Variants in RRP9 observed in about 807,000 individuals in gnomAD.
The protein encoded by RRP9 is U3 small nucleolar RNA-interacting protein 2.
A neutral mutation model predicts 65.5 loss-of-function variants in RRP9; 35 were observed. That is an observed-to-expected ratio of 0.53 (90% CI 0.41 to 0.71). The LOEUF (loss-of-function observed/expected upper bound fraction) is 0.71. RRP9 is among the 30% of genes least tolerant of loss of function. The pLI, the probability that RRP9 is intolerant of heterozygous loss-of-function variation, is 0.00. For missense variants in RRP9, 533 were observed against 633.6 expected, an observed-to-expected ratio of 0.84 and a Z score of 1.70; for synonymous variants, 254 against 245.0, an observed-to-expected ratio of 1.04 and a Z score of -0.34.
Position 51,936,238 on chromosome 3 carries a change from C to A in RRP9, c.735+19G>T. The A allele has an allele frequency of 6.2e-7, 1 of 1,611,232 alleles. No individual in the cohort carries two copies. Among genetic ancestry groups the A allele is most frequent in the Middle Eastern group, 1.7e-4 (1 of 6,054 alleles). On this transcript the variant is annotated intron_variant, in intron 8 of 14. Transcript: ENST00000232888. ...CATGTGCCCACTAAAGATCCACTGACATAGACCCAGCTCCTCACCGACACT... is the reference window on the plus strand; with the variant it reads ...CATGTGCCCACTAAAGATCCACTGAAATAGACCCAGCTCCTCACCGACACT...
At chr3:51,941,271 C>G (rs1383915957) in intron 2 of RRP9, 138 bp downstream of exon 2, 1 of 788,134 alleles carries the variant, frequency 1.3e-6, no homozygotes, top group Non-Finnish European at 2.1e-6. Context: ...GGACCAGAAA[C>G]TAAAGGAAAC....
chr3:51,941,860 G>T lies in RRP9; in HGVS notation c.8C>A (p.Ala3Glu). ...TCCCCGCTTACGAGCAGCCGCTGTTGCCGACATGCTGCCCACCAGGCGTGT... is the reference window on the plus strand; with the variant it reads ...TCCCCGCTTACGAGCAGCCGCTGTTTCCGACATGCTGCCCACCAGGCGTGT... MS[A>E]TAAARKRGKP... Residue 3 changes from alanine (A) to glutamate (E), a missense_variant, in exon 1 of 15, where the codon GCA becomes GAA. Transcript: ENST00000232888. 1.3e-6 allele frequency: 2 copies of T among 1,581,482 alleles called. No homozygotes were observed. Among genetic ancestry groups the T allele is most frequent in the Non-Finnish European group, 1.7e-6 (2 of 1,171,686 alleles).
chr3:51,941,231 C>T (rs1220964401), intron 2 of RRP9, among the ~76,000 whole-genome samples, 178 bp downstream of exon 2: 1 of 152,174 alleles, frequency 6.6e-6, no homozygotes, highest in Non-Finnish European at 1.5e-5. Flanking sequence ...TCCTTCCCAC[C>T]CAGAGACCTC....
At chr3:51,941,567 G>A in intron 1 of RRP9, 76 bp from the exon 2 acceptor site, 1 of 1,384,466 alleles carries the variant, frequency 7.2e-7, no homozygotes, top group Non-Finnish European at 1.0e-6. Context: ...CCCCCCCTCG[G>A]TTCCCTCAGA....
At chr3:51,933,660 C>T in intron 14 of RRP9, 48 bp downstream of exon 14, 2 of 1,610,742 alleles carry the variant, frequency 1.2e-6, no homozygotes, top group East Asian at 2.2e-5. Flanking sequence ...TTCCACCGAG[C>T]TGTCCAGCCT....
chr3:51,938,192 C>A lies in RRP9; in HGVS notation c.183G>T (p.Arg61Ser). The A allele has an allele frequency of 6.4e-7, 1 of 1,567,902 alleles. No homozygotes were observed. Among genetic ancestry groups the A allele is most frequent in the Non-Finnish European group, 8.6e-7 (1 of 1,160,072 alleles). ...SDSESESLAPRKPEEEEEEEL... is the reference protein window; with the variant it reads ...SDSESESLAPSKPEEEEEEEL... ...CCTCCTCCTCCTCCTCCTCAGGCTT[C>A]CTTGGAGCTAGGCTGTGGGCAGGAA... Residue 61 changes from arginine to serine, a missense_variant, in exon 3 of 15, where the codon AGG (arginine) becomes AGT (serine). Arg to Ser is a moderately radical substitution (Grantham distance 110, BLOSUM62 -1). Coordinates refer to ENST00000232888, the MANE Select transcript of RRP9 (RefSeq NM_004704.5).
rs76244899 is a variant in RRP9, at chr3:51,939,591, A to G, written c.171-1387T>C. Among the ~76,000 whole-genome samples the G allele has an allele frequency of 2.2e-3, 334 of 152,352 alleles. 3 individuals carry two copies. Among genetic ancestry groups the G allele is most frequent in the African/African-American group, 7.2e-3 (299 of 41,588 alleles). On this transcript the variant is annotated intron_variant, in intron 2 of 14. Coordinates refer to ENST00000232888, the MANE Select transcript of RRP9 (RefSeq NM_004704.5). ...ACCTTCAGGGTAGAGGTGGTCACAC[A>G]ACTGTGTGTGTTTGTCAAAACTCAC...
chr3:51,934,343 C>A lies in RRP9; in HGVS notation c.1260+129G>T. The A allele has an allele frequency of 1.1e-6, 1 of 903,070 alleles. No homozygotes were observed. The highest frequency in any genetic ancestry group is 1.7e-6 in the Non-Finnish European group (1 of 595,058). 55.9% of individuals were successfully genotyped at this position (903,070 alleles called of 1,614,324 possible). A position where few individuals can be genotyped will look rare whatever the true frequency, so the allele number is the denominator to read the frequency against. The stretch of plus-strand genomic sequence containing the variant: ...AAAGTGGGGAGGGTTCCTGCCAGGC[C>A]CTGTGCTAGGAGCTGGCCCTGCCCT... On this transcript the variant is annotated intron_variant, in intron 13 of 14. Coordinates refer to ENST00000232888, the MANE Select transcript of RRP9 (RefSeq NM_004704.5). The surrounding 1 kb of genome is among the most constrained non-coding windows in gnomAD (Gnocchi z 4.1).
At position 51,937,859 on chromosome 3, in the gene RRP9, G is replaced by T; in HGVS notation, c.281-123C>A. On this transcript the variant is annotated intron_variant, in intron 3 of 14. Transcript: ENST00000232888. The surrounding 1 kb of genome is among the most constrained non-coding windows in gnomAD (Gnocchi z 5.0). ...GAAGCTCCAGCTGCCTCAGCAGAGG[G>T]GAGGGCAAGCTGGAGGGTTTCCTCC... 1 of 1,239,252 alleles carries T rather than the reference G, an allele frequency of 8.1e-7. No homozygotes were observed. Among genetic ancestry groups the T allele is most frequent in the African/African-American group, 1.5e-5 (1 of 66,990 alleles). The allele number at this position is 1,239,252 out of a possible 1,614,324, so 76.8% of individuals were successfully genotyped here.
intron 10 of RRP9, 34 bp from the exon 11 acceptor site, chr3:51,935,293 G>A: frequency 6.8e-6 from 11 of 1,614,070 alleles, no homozygotes; most frequent in Non-Finnish European, 8.5e-6. Flanking sequence ...CGTGGCCCAA[G>A]CCCACCCCCA....
Position 51,937,445 on chromosome 3 carries a change from C to A in RRP9, c.390+100G>T. 3 of 1,606,194 alleles carry A rather than the reference C, an allele frequency of 1.9e-6. No homozygotes were observed. Among genetic ancestry groups the A allele is most frequent in the East Asian group, 2.2e-5 (1 of 44,804 alleles). On this transcript the variant is annotated intron_variant, in intron 5 of 14. Coordinates refer to ENST00000232888, the MANE Select transcript of RRP9 (RefSeq NM_004704.5). The surrounding 1 kb of genome is among the most constrained non-coding windows in gnomAD (Gnocchi z 5.0). Reference sequence around the variant, plus strand: ...AAAACAAGACCCAAGGCTACAACAACCAGATCCTTACCTGACCAGATAGGC... The same window carrying A: ...AAAACAAGACCCAAGGCTACAACAAACAGATCCTTACCTGACCAGATAGGC...
In RRP9 at chr3:51,934,478, G is replaced by A; in HGVS notation, c.1254C>T (p.Ile418=). 2 of 1,613,448 alleles carry A rather than the reference G, an allele frequency of 1.2e-6. No individual in the cohort carries two copies. Among genetic ancestry groups the A allele is most frequent in the Non-Finnish European group, 8.5e-7 (1 of 1,179,610 alleles). The change falls in exon 13 of 15, where the codon ATC becomes ATT. Residue 418 remains isoleucine, a synonymous_variant. Coordinates refer to ENST00000232888, the MANE Select transcript of RRP9 (RefSeq NM_004704.5). The surrounding 1 kb of genome is among the most constrained non-coding windows in gnomAD (Gnocchi z 4.1). Reference sequence around the variant, plus strand: ...TTCAAGCACACTCACTCACCAGGGGGATGTCACAGAGAAGGTCAAGCTGCC... The same window carrying A: ...TTCAAGCACACTCACTCACCAGGGGAATGTCACAGAGAAGGTCAAGCTGCC... ...GFRQLDLLCD[I]PLVGFINSLK...
Position 51,941,510 on chromosome 3 carries a change from T to C in RRP9, c.88-19A>G, listed in dbSNP as rs1559745280. 1 of 1,612,786 alleles carries C rather than the reference T, an allele frequency of 6.2e-7. No individual in the cohort carries two copies. The highest frequency in any genetic ancestry group is 1.3e-5 in the African/African-American group (1 of 74,870). On this transcript the variant is annotated intron_variant, in intron 1 of 14. Transcript: ENST00000232888. ...AGTCGGCCTGGGAATTATACGGTCT[T>C]TTCTTTGGTCAGGGGTCCAGACCAC...
At position 51,933,777 on chromosome 3, in the gene RRP9, C is replaced by A; in HGVS notation, c.1265G>T (p.Gly422Val). ...LDLLCDIPLV[G>V]FINSLKFSSS... ...GGAGAACTTGAGGCTGTTGATAAAA[C>A]CCACCTGAGCAGAAAGACAACACGG... The change falls in exon 14 of 15, where the codon GGT becomes GTT. Residue 422 changes from glycine (G) to valine (V), a missense_variant. Transcript: ENST00000232888. 6.2e-7 allele frequency: 1 copy of A among 1,614,096 alleles called. No homozygotes were observed. Among genetic ancestry groups the A allele is most frequent in the Non-Finnish European group, 8.5e-7 (1 of 1,179,982 alleles).
At position 51,937,316 on chromosome 3, in the gene RRP9, G is replaced by A. The variant is rs765504071; in HGVS notation, c.393C>T (p.Ile131=). 268 of 1,613,976 alleles carry A rather than the reference G, an allele frequency of 1.7e-4. No individual in the cohort carries two copies. The highest frequency in any genetic ancestry group is 2.1e-4 in the Non-Finnish European group (244 of 1,180,030). Reference sequence around the variant, plus strand: ...GAATGTCAGCTGAGGCTGGGGCCTGGATCTGGGCAGACAGGGGCCAGGTCA... The same window carrying A: ...GAATGTCAGCTGAGGCTGGGGCCTGAATCTGGGCAGACAGGGGCCAGGTCA... ...GRLQKLVAKE[I]QAPASADIRV... Residue 131 remains isoleucine, a splice_region_variant and synonymous_variant, in exon 6 of 15, where the codon ATC becomes ATT. Coordinates refer to ENST00000232888, the MANE Select transcript of RRP9 (RefSeq NM_004704.5). The surrounding 1 kb of genome is among the most constrained non-coding windows in gnomAD (Gnocchi z 5.0).
chr3:51,938,910 G>A (rs1481615837), intron 2 of RRP9, among the ~76,000 whole-genome samples: 1 of 152,186 alleles, frequency 6.6e-6, no homozygotes, highest in Non-Finnish European at 1.5e-5. Context: ...TGGGAACAAG[G>A]TTCCAAGCGA....
At position 51,941,463 on chromosome 3, in the gene RRP9, G is replaced by A. The variant is rs1244516177; in HGVS notation, c.116C>T (p.Ser39Phe). 5.0e-6 allele frequency: 8 copies of A among 1,614,122 alleles called. No individual in the cohort carries two copies. The highest frequency in any genetic ancestry group is 6.8e-6 in the Non-Finnish European group (8 of 1,180,044). Reference sequence around the variant, plus strand: ...CTCATTCATCTTGCCGCCACCCTTGGATTTGCCCCTGTCCCCCGCAGAGTC... The same window carrying A: ...CTCATTCATCTTGCCGCCACCCTTGAATTTGCCCCTGTCCCCCGCAGAGTC... ...KADSAGDRGK[S>F]KGGGKMNEEI... Residue 39 changes from serine to phenylalanine, a missense_variant, in exon 2 of 15, where the codon TCC becomes TTC. Ser to Phe is a radical substitution (Grantham distance 155, BLOSUM62 -2). Coordinates refer to ENST00000232888, the MANE Select transcript of RRP9 (RefSeq NM_004704.5).
In RRP9 at chr3:51,935,639, G is replaced by A; in HGVS notation, c.789C>T (p.Arg263=). 6.2e-7 allele frequency: 1 copy of A among 1,614,174 alleles called. No homozygotes were observed. The highest frequency in any genetic ancestry group is 8.5e-7 in the Non-Finnish European group (1 of 1,180,038). ...CTGCCACATTCCACACCTTCACGGA[G>A]CGATCGTGGGATGTGCTGTAGAGCT... ...THQLYSTSHD[R]SVKVWNVAEN... Residue 263 remains arginine, a synonymous_variant, in exon 9 of 15, where the codon CGC becomes CGT. Transcript: ENST00000232888.
chr3:51,941,700 C>G, intron 1 of RRP9, 81 bp downstream of exon 1: 4 of 1,332,240 alleles, frequency 3.0e-6, no homozygotes, highest in Non-Finnish European at 4.2e-6. Context: ...TGGGGAAGGG[C>G]CGGGACCCAG....
Sources: allele counts gnomAD v4.1 joint callset (sites outside exome capture counted in the v4.1 genomes callset), GRCh38; gene constraint gnomAD v4.1.1; non-coding constraint Gnocchi (gnomAD v3.1); transcripts MANE v1.5; gene names NCBI Gene and HGNC (gene_info 2026-07-23, HGNC 2026-07-21).